The following SPIDR variants were observed in gnomAD, a reference collection of about 807,000 sequenced individuals.
The protein encoded by SPIDR is scaffold protein involved in DNA repair, also known as DNA repair-scaffolding protein.
SPIDR carries 93 observed loss-of-function variants against 104.6 expected under a neutral mutation model. The observed-to-expected ratio is 0.89, with a 90% CI of 0.75 to 1.06. The LOEUF is 1.06. Among genes scored for constraint, SPIDR ranks in the 50% least tolerant of loss-of-function variants. The pLI is 0.00. For synonymous variants in SPIDR, 431 were observed against 416.9 expected (o/e 1.03, Z -0.41); for missense variants, 1,154 against 1,111.2 (o/e 1.04, Z -0.55).
intron 8 of SPIDR, among the ~76,000 whole-genome samples, chr8:47,452,982 T>A (rs1461677541): frequency 6.6e-6 from 1 of 152,060 alleles, no homozygotes; most frequent in East Asian, 1.9e-4. Context: ...CAGCCCAAGA[T>A]CTCCTCAAGC....
chr8:47,726,265 A>G (rs2084221769), intron 16 of SPIDR, among the ~76,000 whole-genome samples: 3 of 152,248 alleles, frequency 2.0e-5, no homozygotes, highest in Admixed American at 2.0e-4. Flanking sequence ...CACTTTAATA[A>G]ACCAAGCCTA....
chr8:47,612,343 A>T (rs1006299733), intron 10 of SPIDR, among the ~76,000 whole-genome samples: 1 of 152,196 alleles, frequency 6.6e-6, no homozygotes, highest in Non-Finnish European at 1.5e-5. Context: ...CTCAAGAGCT[A>T]TGGAAAAGTG....
intron 5 of SPIDR, among the ~76,000 whole-genome samples, chr8:47,386,902 GAGATATAGATAT>G (rs201038403): frequency 0.058 from 5,788 of 99,066 alleles, 242 homozygotes; most frequent in African/African-American, 0.13. Flanking sequence ...AAGAGAGAGA[GAGATATAGATAT>G]AGATATAGAT....
rs1032997812 is a variant in SPIDR at position 47,564,080 on chromosome 8, T to C, written c.1098-31731T>C. ...TGCTTCTTTTTTCTTTTCTTTTTTT[T>C]TTTTTTTTTTTTTTTTTGAGGCGGA... On this transcript the variant is annotated intron_variant, in intron 8 of 19. Transcript: ENST00000297423. Among the ~76,000 whole-genome samples the C allele has an allele frequency of 3.5e-3, 453 of 128,914 alleles. 7 individuals carry two copies. The highest frequency in any genetic ancestry group is 0.014 in the African/African-American group (427 of 30,956). The allele number at this position is 128,914 out of a possible 152,430, so 84.6% of individuals were successfully genotyped here.
intron 8 of SPIDR, among the ~76,000 whole-genome samples, chr8:47,557,053 C>T (rs1587715613): frequency 6.6e-6 from 1 of 152,300 alleles, no homozygotes; most frequent in African/African-American, 2.4e-5. Context: ...CAGAGAGCAG[C>T]AGTGGAAATC....
intron 10 of SPIDR, among the ~76,000 whole-genome samples, chr8:47,633,558 G>GAA (rs113678854): frequency 0.14 from 18,340 of 133,992 alleles, 1,760 homozygotes; most frequent in African/African-American, 0.25. Flanking sequence ...GCAAATGATT[G>GAA]AAAAAAAAAA....
intron 8 of SPIDR, among the ~76,000 whole-genome samples, chr8:47,509,521 T>C (rs910037591): frequency 1.1e-4 from 16 of 152,336 alleles, no homozygotes; most frequent in Non-Finnish European, 1.5e-4. Flanking sequence ...GTGCCACTTA[T>C]AGACTGGCAT....
intron 8 of SPIDR, among the ~76,000 whole-genome samples, chr8:47,553,375 G>T (rs1428132046): frequency 6.6e-6 from 1 of 152,132 alleles, no homozygotes; most frequent in Non-Finnish European, 1.5e-5. Flanking sequence ...TCACTTTCAG[G>T]TACACCAATC....
At chr8:47,339,500 A>ATGAGAGTGAACTAAG (rs2050333347) in intron 5 of SPIDR, among the ~76,000 whole-genome samples, 1 of 152,172 alleles carries the variant, frequency 6.6e-6, no homozygotes, top group Non-Finnish European at 1.5e-5. Flanking sequence ...AGATCAGTAG[A>ATGAGAGTGAACTAAG]TGAGAGTGAA....
In SPIDR at chr8:47,326,737, A is replaced by C. The variant is rs575362121; in HGVS notation, c.525+32707A>C. On this transcript the variant is annotated intron_variant, in intron 5 of 19. Coordinates refer to ENST00000297423, the MANE Select transcript of SPIDR (RefSeq NM_001080394.4). ...TGTGACCTTTTGTGTCTGGCTTCTT[A>C]ACAAAATGTTTTTGAGGTTCCTCCA... is the stretch of plus-strand genomic sequence containing the variant. Among the ~76,000 whole-genome samples, 10 of 152,354 alleles carry C rather than the reference A, an allele frequency of 6.6e-5. 1 individual carries two copies. In the South Asian group the frequency reaches 2.1e-3, roughly 32 times the overall value.
chr8:47,365,743 A>G (rs1187079145), intron 5 of SPIDR, among the ~76,000 whole-genome samples: 3 of 152,158 alleles, frequency 2.0e-5, no homozygotes, highest in Non-Finnish European at 4.4e-5. Context: ...TATGCTGTTA[A>G]TTCATTCATG....
At chr8:47,431,508 A>C (rs72646325) in intron 7 of SPIDR, among the ~76,000 whole-genome samples, 3 of 152,296 alleles carry the variant, frequency 2.0e-5, no homozygotes, top group Non-Finnish European at 2.9e-5. Flanking sequence ...CGAACAAGCT[A>C]TTCCTACGGA....
chr8:47,540,562 C>T (rs999160376), intron 8 of SPIDR, among the ~76,000 whole-genome samples: 1 of 152,160 alleles, frequency 6.6e-6, no homozygotes, highest in African/African-American at 2.4e-5. Flanking sequence ...GCATTGTCTC[C>T]TCTTAGGAAC....
chr8:47,281,775 C>G (rs1383531638), intron 2 of SPIDR, among the ~76,000 whole-genome samples: 1 of 152,236 alleles, frequency 6.6e-6, no homozygotes, highest in African/African-American at 2.4e-5. Context: ...TTTTGACCTT[C>G]TGTCATGAAT....
intron 14 of SPIDR, among the ~76,000 whole-genome samples, chr8:47,707,395 C>G (rs1589388439): frequency 6.6e-6 from 1 of 151,928 alleles, no homozygotes; most frequent in East Asian, 1.9e-4. Flanking sequence ...TGGTAAAATC[C>G]CTGTTTACAT....
At chr8:47,539,924 C>G (rs1259426415) in intron 8 of SPIDR, among the ~76,000 whole-genome samples, 1 of 152,090 alleles carries the variant, frequency 6.6e-6, no homozygotes, top group African/African-American at 2.4e-5. Context: ...TGGCTTCCTT[C>G]TTATCCTAAC....
chr8:47,495,744 C>A (rs1457534448), intron 8 of SPIDR, among the ~76,000 whole-genome samples: 1 of 152,124 alleles, frequency 6.6e-6, no homozygotes, highest in East Asian at 1.9e-4. Flanking sequence ...CAAAATCATT[C>A]TTTTGCCTGA....
At position 47,654,219 on chromosome 8, in the gene SPIDR, A is replaced by G. The variant is rs964021709; in HGVS notation, c.1545-19582A>G. 7.9e-6 allele frequency: 10 copies of G among 1,261,726 alleles called. No individual in the cohort carries two copies. The African/African-American group carries it at 1.6e-4, about 20-fold the overall frequency. The allele number at this position is 1,261,726 out of a possible 1,614,324, so 78.2% of individuals were successfully genotyped here. The stretch of plus-strand genomic sequence containing the variant: ...GCAGCAACCTGCAGGAGGGGTTAGA[A>G]GAAAGGAAAGAACAGGGTTTAAGAG... On this transcript the variant is annotated intron_variant, in intron 10 of 19. Coordinates refer to ENST00000297423, the MANE Select transcript of SPIDR (RefSeq NM_001080394.4).
At chr8:47,587,400 T>A (rs2060361369) in intron 8 of SPIDR, among the ~76,000 whole-genome samples, 1 of 151,918 alleles carries the variant, frequency 6.6e-6, no homozygotes, top group Admixed American at 6.6e-5. Context: ...GGTCAGGACT[T>A]CAAGGCCAGT....
Sources: gnomAD v4.1 joint callset for allele counts (sites outside exome capture counted in the v4.1 genomes callset) on GRCh38, gnomAD v4.1.1 for gene constraint, MANE v1.5 for transcripts, NCBI Gene and HGNC (gene_info 2026-07-23, HGNC 2026-07-21) for gene names.